Variants in PRKCE observed in about 807,000 individuals in gnomAD.
PRKCE encodes the protein protein kinase C epsilon.
Under a neutral mutation model 85.4 loss-of-function variants are expected in PRKCE, and 16 were observed. The ratio of observed to expected loss-of-function variants is 0.19; its 90% CI spans 0.13 to 0.28. The LOEUF is 0.28. Among genes scored for constraint, PRKCE ranks in the 10% least tolerant of loss-of-function variants. The pLI is 1.00. For synonymous variants in PRKCE, 388 were observed against 371.5 expected, an observed-to-expected ratio of 1.04 and a Z score of -0.51; for missense variants, 573 against 975.2, an observed-to-expected ratio of 0.59 and a Z score of 5.49.
intron 11 of PRKCE, among the ~76,000 whole-genome samples, chr2:46,110,437 A>G (rs1160402061): frequency 6.6e-6 from 1 of 152,196 alleles, no homozygotes; most frequent in Non-Finnish European, 1.5e-5. Context: ...TATCTTTCAC[A>G]GAATTGGCCC....
chr2:45,822,557 T>C (rs1366213056), intron 1 of PRKCE, among the ~76,000 whole-genome samples: 2 of 152,232 alleles, frequency 1.3e-5, no homozygotes, highest in Admixed American at 6.5e-5. Context: ...CTCTTCCTTG[T>C]GCCTGGGCTG....
chr2:46,171,117 C>T (rs564100146), intron 14 of PRKCE, among the ~76,000 whole-genome samples: 8 of 152,346 alleles, frequency 5.3e-5, no homozygotes, highest in Admixed American at 4.6e-4. Context: ...TCGCCAGGCT[C>T]GGGTCCTGCC....
At chr2:46,027,321 G>A (rs902699251) in intron 10 of PRKCE, among the ~76,000 whole-genome samples, 1 of 152,084 alleles carries the variant, frequency 6.6e-6, no homozygotes, top group African/African-American at 2.4e-5. Context: ...GGGCATCAGA[G>A]TGAGACCCTA....
chr2:45,879,632 C>A (rs930010343), intron 2 of PRKCE, among the ~76,000 whole-genome samples: 4 of 152,220 alleles, frequency 2.6e-5, no homozygotes, highest in Admixed American at 2.0e-4. Flanking sequence ...TGCTGGCACT[C>A]AAAAGCACTT....
intron 2 of PRKCE, among the ~76,000 whole-genome samples, chr2:45,853,376 C>A (rs1459527481): frequency 1.3e-5 from 2 of 152,194 alleles, no homozygotes; most frequent in East Asian, 3.8e-4. Flanking sequence ...CTTTTAAAAG[C>A]AACCAGTCAG....
At chr2:45,751,709 T>C (rs1413304039) in intron 1 of PRKCE, among the ~76,000 whole-genome samples, 1 of 151,986 alleles carries the variant, frequency 6.6e-6, no homozygotes, top group Admixed American at 6.6e-5. Flanking sequence ...CAAGCAACAT[T>C]TTTCAAAACA....
intron 10 of PRKCE, among the ~76,000 whole-genome samples, chr2:46,037,853 A>G (rs965867537): frequency 1.3e-5 from 2 of 152,222 alleles, no homozygotes; most frequent in Non-Finnish European, 2.9e-5. Context: ...TTGAAGCTGG[A>G]TACATATGTG....
chr2:45,663,770 G>A (rs895864385), intron 1 of PRKCE, among the ~76,000 whole-genome samples: 1 of 151,592 alleles, frequency 6.6e-6, no homozygotes, highest in South Asian at 2.1e-4. Context: ...GTGACAGAGC[G>A]AGACTCCGTC....
chr2:45,923,997 A>G (rs921847219), intron 2 of PRKCE, among the ~76,000 whole-genome samples: 10 of 152,160 alleles, frequency 6.6e-5, no homozygotes, highest in African/African-American at 2.4e-4. Flanking sequence ...GACATTTAAC[A>G]TGAGTTTGTT....
intron 1 of PRKCE, chr2:45,674,767 A>G (rs1204844371): frequency 2.0e-5 from 3 of 152,270 alleles, no homozygotes; most frequent in African/African-American, 7.2e-5. Context: ...AGAGGTGGGC[A>G]CTGCTTGAGG....
intron 1 of PRKCE, among the ~76,000 whole-genome samples, chr2:45,712,441 T>A (rs1223328254): frequency 6.6e-6 from 1 of 151,884 alleles, no homozygotes; most frequent in Non-Finnish European, 1.5e-5. Flanking sequence ...CAGGCATGAG[T>A]CACTGCGCCC....
intron 2 of PRKCE, among the ~76,000 whole-genome samples, chr2:45,849,376 TA>T (rs1220052279): frequency 6.6e-6 from 1 of 152,146 alleles, no homozygotes; most frequent in Non-Finnish European, 1.5e-5. Context: ...TTTTCTCGCT[TA>T]GCAACCTCAT....
intron 1 of PRKCE, among the ~76,000 whole-genome samples, chr2:45,841,273 A>G (rs1212071443): frequency 2.0e-5 from 3 of 152,246 alleles, no homozygotes; most frequent in African/African-American, 7.2e-5. Context: ...GGCCGTCTGC[A>G]CGCTGAGGAG....
chr2:45,967,061 G>T lies in PRKCE; in HGVS notation c.413-9368G>T, dbSNP rs561176696. On this transcript the variant is annotated intron_variant, in intron 2 of 14. Coordinates refer to ENST00000306156, the MANE Select transcript of PRKCE (RefSeq NM_005400.3). ...ATGTCTGATCTCCTCAGGGCCAGGG[G>T]TGTGCTGGTGGTAAATGTTTAACAA... 5.9e-5 allele frequency among the ~76,000 whole-genome samples: 9 copies of T among 152,286 alleles called. No individual in the cohort carries two copies. The East Asian group carries it at 1.7e-3, about 29-fold the overall frequency.
chr2:45,821,204 G>T (rs2105333572), intron 1 of PRKCE, among the ~76,000 whole-genome samples: 1 of 152,278 alleles, frequency 6.6e-6, no homozygotes, highest in African/African-American at 2.4e-5. Context: ...GGAAAGGAGG[G>T]ACAGCATTTA....
intron 2 of PRKCE, among the ~76,000 whole-genome samples, chr2:45,955,773 T>G (rs1394098964): frequency 6.6e-6 from 1 of 151,204 alleles, no homozygotes; most frequent in Non-Finnish European, 1.5e-5. Flanking sequence ...GTATAGTAGG[T>G]GTGCCCTAGT....
At chr2:45,765,278 G>C (rs956019260) in intron 1 of PRKCE, among the ~76,000 whole-genome samples, 5 of 152,164 alleles carry the variant, frequency 3.3e-5, no homozygotes, top group African/African-American at 1.2e-4. Flanking sequence ...TGGAGAATAA[G>C]CTTTCTGAAG....
intron 2 of PRKCE, among the ~76,000 whole-genome samples, chr2:45,935,782 C>CA (rs11332351): frequency 0.11 from 14,753 of 134,548 alleles, 856 homozygotes; most frequent in Non-Finnish European, 0.13. Context: ...GAGACTGTCT[C>CA]AAAAAAAAAA....
At chr2:46,102,397 A>G (rs756295422) in intron 11 of PRKCE, among the ~76,000 whole-genome samples, 4 of 152,218 alleles carry the variant, frequency 2.6e-5, no homozygotes, top group East Asian at 1.9e-4. Flanking sequence ...TTATTTAAAT[A>G]AACTTTTTGT....
Sources: gnomAD v4.1 joint callset for allele counts (sites outside exome capture counted in the v4.1 genomes callset) on GRCh38, gnomAD v4.1.1 for gene constraint, MANE v1.5 for transcripts, NCBI Gene and HGNC (gene_info 2026-07-23, HGNC 2026-07-21) for gene names.